The following SYTL3 variants were observed in gnomAD, a reference collection of about 807,000 sequenced individuals.
SYTL3 encodes the protein synaptotagmin-like protein 3.
SYTL3 carries 88 observed loss-of-function variants against 82.1 expected under a neutral mutation model. The ratio of observed to expected loss-of-function variants is 1.07; its 90% CI spans 0.90 to 1.28. The LOEUF is 1.28. Among genes scored for constraint, SYTL3 ranks in the 50% most tolerant of loss-of-function variants. SYTL3 has a pLI of 0.00. For missense variants in SYTL3, 831 were observed against 757.6 expected, an observed-to-expected ratio of 1.10 and a Z score of -1.14; for synonymous variants, 311 against 289.4, an observed-to-expected ratio of 1.07 and a Z score of -0.76.
At chr6:158,668,653 C>T (rs974463630) in intron 5 of SYTL3, among the ~76,000 whole-genome samples, 10 of 152,120 alleles carry the variant, frequency 6.6e-5, no homozygotes, top group African/African-American at 2.2e-4. Context: ...AGGGCAAGAT[C>T]AGGAGAGCGG....
rs947975173 is a variant in SYTL3, at chr6:158,764,626, G to C, written c.*22G>C. On this transcript the variant is annotated 3_prime_UTR_variant, in exon 18 of 18. Coordinates refer to ENST00000611299, the MANE Select transcript of SYTL3 (RefSeq NM_001242394.2). ...CTGACATGAAGGCCTCAAGGTTCCA[G>C]GTTGCAGCAGGCGTGAGGCACTGTG... 8.9e-6 allele frequency: 14 copies of C among 1,572,512 alleles called. No homozygotes were observed. The highest frequency in any genetic ancestry group is 1.1e-5 in the South Asian group (1 of 90,276).
At chr6:158,675,951 TG>T (rs1010760728) in intron 5 of SYTL3, among the ~76,000 whole-genome samples, 2 of 152,078 alleles carry the variant, frequency 1.3e-5, no homozygotes, top group Admixed American at 1.3e-4. Flanking sequence ...CTCCATCTCA[TG>T]GATAGGAAGA....
At chr6:158,747,183 C>G (rs1291486503) in intron 12 of SYTL3, among the ~76,000 whole-genome samples, 1 of 151,864 alleles carries the variant, frequency 6.6e-6, no homozygotes, top group East Asian at 2.0e-4. Context: ...GACGGGGTTT[C>G]CCCGTGTTGG....
chr6:158,748,269 C>T (rs1347905908), intron 12 of SYTL3, among the ~76,000 whole-genome samples: 1 of 152,252 alleles, frequency 6.6e-6, no homozygotes, highest in African/African-American at 2.4e-5. Flanking sequence ...ATCAAACTCT[C>T]TTCTGCTCTG....
At chr6:158,698,937 A>G (rs1385457969) in intron 6 of SYTL3, among the ~76,000 whole-genome samples, 1 of 152,030 alleles carries the variant, frequency 6.6e-6, no homozygotes, top group Non-Finnish European at 1.5e-5. Context: ...CTTACACAGG[A>G]TGTTATTCCC....
chr6:158,660,329 A>G (rs1044573446), intron 2 of SYTL3, among the ~76,000 whole-genome samples: 7 of 152,220 alleles, frequency 4.6e-5, no homozygotes, highest in East Asian at 3.9e-4. Context: ...GGGGTGTTCA[A>G]TAAATATTTA....
intron 6 of SYTL3, among the ~76,000 whole-genome samples, chr6:158,694,546 C>T (rs1270504919): frequency 6.6e-5 from 10 of 152,116 alleles, no homozygotes; most frequent in Admixed American, 6.5e-5. Flanking sequence ...CTGCCCACCT[C>T]GGCCTCCCAA....
chr6:158,693,055 C>T (rs145218542), intron 6 of SYTL3, among the ~76,000 whole-genome samples: 35 of 152,350 alleles, frequency 2.3e-4, no homozygotes, highest in Non-Finnish European at 4.9e-4. Context: ...AAACACCCCT[C>T]ATCCCTGCAA....
intron 6 of SYTL3, among the ~76,000 whole-genome samples, chr6:158,690,997 A>G (rs565641336): frequency 8.4e-4 from 128 of 152,188 alleles, no homozygotes; most frequent in Non-Finnish European, 1.1e-3. Context: ...TTCAAATTCA[A>G]CCTTCCTGGC....
chr6:158,722,048 A>C (rs1784165865), intron 10 of SYTL3, among the ~76,000 whole-genome samples: 1 of 151,486 alleles, frequency 6.6e-6, no homozygotes, highest in Non-Finnish European at 1.5e-5. Flanking sequence ...ATCAATATTA[A>C]TTATAGAACA....
chr6:158,728,002 T>C (rs1784942790), intron 11 of SYTL3, among the ~76,000 whole-genome samples: 1 of 152,230 alleles, frequency 6.6e-6, no homozygotes, highest in Admixed American at 6.5e-5. Flanking sequence ...TGCTATACTT[T>C]GAGAGTGGTT....
chr6:158,755,463 G>A (rs908526146), intron 13 of SYTL3, among the ~76,000 whole-genome samples: 3 of 152,200 alleles, frequency 2.0e-5, no homozygotes, highest in Non-Finnish European at 2.9e-5. Flanking sequence ...CCACCCCAGC[G>A]GGGAGGAAAA....
chr6:158,730,274 G>A (rs1321535212), intron 11 of SYTL3, among the ~76,000 whole-genome samples: 6 of 152,180 alleles, frequency 3.9e-5, no homozygotes, highest in Admixed American at 1.3e-4. Context: ...ACACAGCAGC[G>A]GGGACAAGCT....
chr6:158,762,348 C>T (rs914083586), intron 16 of SYTL3, among the ~76,000 whole-genome samples, 170 bp downstream of exon 16: 4 of 152,024 alleles, frequency 2.6e-5, no homozygotes, highest in Non-Finnish European at 2.9e-5. Context: ...CAAAAATTCA[C>T]GGGATGTGTA....
intron 6 of SYTL3, among the ~76,000 whole-genome samples, chr6:158,704,857 C>A (rs376252485): frequency 8.1e-6 from 1 of 123,902 alleles, no homozygotes; most frequent in Non-Finnish European, 1.7e-5. Flanking sequence ...AGGAGGGACC[C>A]AGGGCAGGGT....
chr6:158,715,156 T>C (rs1279365113), intron 9 of SYTL3, among the ~76,000 whole-genome samples: 1 of 152,132 alleles, frequency 6.6e-6, no homozygotes, highest in Non-Finnish European at 1.5e-5. Flanking sequence ...ACCCACCCCC[T>C]TGTATTTGTC....
chr6:158,712,925 A>AT (rs1156593659), intron 8 of SYTL3, among the ~76,000 whole-genome samples: 14 of 150,632 alleles, frequency 9.3e-5, no homozygotes, highest in African/African-American at 2.2e-4. Context: ...TGCCCAGCTA[A>AT]TTTTTTTTTG....
chr6:158,654,523 C>T (rs1429858770), intron 2 of SYTL3, among the ~76,000 whole-genome samples: 1 of 152,178 alleles, frequency 6.6e-6, no homozygotes, highest in East Asian at 1.9e-4. Context: ...AATCCCAGAA[C>T]AGTGGCTTAA....
intron 5 of SYTL3, among the ~76,000 whole-genome samples, chr6:158,672,589 A>G (rs1037300856): frequency 8.7e-6 from 1 of 115,346 alleles, no homozygotes; most frequent in Non-Finnish European, 1.9e-5. Context: ...CTGCAGCCTT[A>G]TTCTCTTTTA....
Sources: gnomAD v4.1 joint callset for allele counts (sites outside exome capture counted in the v4.1 genomes callset) on GRCh38, gnomAD v4.1.1 for gene constraint, MANE v1.5 for transcripts, NCBI Gene and HGNC (gene_info 2026-07-23, HGNC 2026-07-21) for gene names.